Variants in MME observed in about 807,000 individuals in gnomAD.
MME encodes membrane metalloendopeptidase.
A neutral mutation model predicts 113.2 loss-of-function variants in MME; 98 were observed. The ratio of observed to expected loss-of-function variants is 0.87; its 90% confidence interval spans 0.74 to 1.02. The LOEUF (loss-of-function observed/expected upper bound fraction) is 1.02. Among genes scored for constraint, MME ranks in the 50% least tolerant of loss-of-function variants. The pLI is 0.00. For synonymous variants in MME, 292 were observed against 300.6 expected (o/e 0.97, Z 0.30); for missense variants, 836 against 896.0 (o/e 0.93, Z 0.86).
At chr3:155,144,516 C>T in intron 14 of MME, 59 bp downstream of exon 14, 1 of 1,098,068 alleles carries the variant, frequency 9.1e-7, no homozygotes, top group African/African-American at 1.6e-5. Context: ...GAAAAATTAA[C>T]TTTAAAAACA....
chr3:155,134,543 A>G (rs1363374678), intron 8 of MME, among the ~76,000 whole-genome samples: 1 of 152,116 alleles, frequency 6.6e-6, no homozygotes, highest in Non-Finnish European at 1.5e-5. Flanking sequence ...TCTACCATTG[A>G]TGATTCTCTA....
At chr3:155,043,249 AT>A (rs1713421560) in intron 1 of MME, among the ~76,000 whole-genome samples, 1 of 151,396 alleles carries the variant, frequency 6.6e-6, no homozygotes. Context: ...TTATTTTAAT[AT>A]TAGTATTAGA....
At chr3:155,061,215 G>A (rs1404665957) in intron 1 of MME, among the ~76,000 whole-genome samples, 2 of 152,170 alleles carry the variant, frequency 1.3e-5, no homozygotes, top group Non-Finnish European at 2.9e-5. Context: ...CACTTTGGGA[G>A]GCCGAGGTGG....
chr3:155,139,724 C>A (rs1014033831), intron 9 of MME, among the ~76,000 whole-genome samples: 3 of 152,084 alleles, frequency 2.0e-5, no homozygotes, highest in Non-Finnish European at 2.9e-5. Flanking sequence ...CTGTTACTTG[C>A]GATAAATTCT....
chr3:155,080,571 C>G (rs1715043203), intron 1 of MME, 105 bp downstream of exon 1: 1 of 152,102 alleles, frequency 6.6e-6, no homozygotes, highest in Non-Finnish European at 1.5e-5. Context: ...ACCTCTTCAT[C>G]TTGCTTTTAA....
At chr3:155,076,385 C>A (rs559325280), upstream of MME, among the ~76,000 whole-genome samples, 1 of 152,306 alleles carries the variant, frequency 6.6e-6, no homozygotes, top group Non-Finnish European at 1.5e-5. Context: ...AGTCCCTTGG[C>A]ACTTGCAAGT....
At chr3:155,092,188 T>G (rs1716351646) in intron 3 of MME, among the ~76,000 whole-genome samples, 2 of 152,228 alleles carry the variant, frequency 1.3e-5, no homozygotes, top group Non-Finnish European at 1.5e-5. Flanking sequence ...CAAATGCCAC[T>G]CTTTTCCATA....
chr3:155,116,381 C>G lies in MME; in HGVS notation c.359-98C>G, dbSNP rs528249649. ...AAGCAAGGTTTTTTTTTAACTGAAC[C>G]CACTTTGCAAATGTTAATTACTGCA... On this transcript the variant is annotated intron_variant, in intron 4 of 22. Transcript: ENST00000360490. The G allele has an allele frequency of 1.1e-4, 102 of 905,618 alleles. 1 individual carries two copies. Among genetic ancestry groups the G allele is most frequent in the South Asian group, 1.1e-3 (77 of 73,150 alleles). 56.1% of individuals were successfully genotyped at this position (905,618 alleles called of 1,614,324 possible).
chr3:155,145,170 C>A (rs896241094), intron 14 of MME, among the ~76,000 whole-genome samples: 2 of 152,186 alleles, frequency 1.3e-5, no homozygotes, highest in African/African-American at 2.4e-5. Context: ...GTATTGCTAT[C>A]TTTCCATCAC....
chr3:155,054,107 T>C, intron 1 of MME, among the ~76,000 whole-genome samples: 1 of 152,172 alleles, frequency 6.6e-6, no homozygotes, highest in Non-Finnish European at 1.5e-5. Flanking sequence ...GTTACCCAGT[T>C]TGTGGTAATT....
intron 20 of MME, among the ~76,000 whole-genome samples, chr3:155,169,564 G>C (rs756461015): frequency 6.6e-6 from 1 of 152,160 alleles, no homozygotes; most frequent in Non-Finnish European, 1.5e-5. Context: ...TTTCATAAAA[G>C]GGTGGAGGAA....
At chr3:155,134,199 A>G (rs936236085) in intron 8 of MME, among the ~76,000 whole-genome samples, 8 of 152,050 alleles carry the variant, frequency 5.3e-5, no homozygotes, top group Non-Finnish European at 1.2e-4. Flanking sequence ...GATATATTGC[A>G]TGGTACTGAG....
chr3:155,133,188 G>T (rs867810730), intron 8 of MME, among the ~76,000 whole-genome samples: 1 of 150,214 alleles, frequency 6.7e-6, no homozygotes, highest in Admixed American at 6.7e-5. Context: ...ATCACATCTC[G>T]TACAATGGAT....
chr3:155,092,210 G>C (rs759537278), intron 3 of MME, among the ~76,000 whole-genome samples: 6 of 152,116 alleles, frequency 3.9e-5, no homozygotes, highest in South Asian at 2.1e-4. Context: ...ACATCCTCAC[G>C]GATGCACCCA....
intron 1 of MME, among the ~76,000 whole-genome samples, chr3:155,056,016 C>T (rs1363670469): frequency 6.6e-6 from 1 of 152,056 alleles, no homozygotes; most frequent in Admixed American, 6.6e-5. Flanking sequence ...CATCACTCAC[C>T]AACTGCCACT....
intron 8 of MME, among the ~76,000 whole-genome samples, chr3:155,123,373 A>G (rs1321716441): frequency 1.7e-5 from 2 of 118,556 alleles, no homozygotes; most frequent in Admixed American, 1.9e-4. Context: ...TGTTTATCCA[A>G]TTTGCCAGTC....
intron 22 of MME, among the ~76,000 whole-genome samples, chr3:155,177,382 C>T (rs1712645530): frequency 6.6e-6 from 1 of 152,196 alleles, no homozygotes; most frequent in Admixed American, 6.5e-5. Flanking sequence ...AAGAAGGTTG[C>T]ATTAATGAAT....
chr3:155,137,467 G>A (rs1391772069), intron 8 of MME, among the ~76,000 whole-genome samples: 1 of 152,212 alleles, frequency 6.6e-6, no homozygotes, highest in African/African-American at 2.4e-5. Context: ...AGCACTTTGG[G>A]AGGCCAAGGC....
rs1426504467 is a variant in MME, at chr3:155,166,975, C to T, written c.1734C>T (p.Ile578=). Residue 578 remains isoleucine, a synonymous_variant, in exon 18 of 23, where the codon ATC becomes ATT. Coordinates refer to ENST00000360490, the MANE Select transcript of MME (RefSeq NM_007289.4). The part of the protein sequence containing the change: ...QQSNSLNYGG[I]GMVIGHEITH... ...CCAACTCATTGAACTATGGGGGCAT[C>T]GGCATGGTCATAGGACACGAAATCA... is the stretch of plus-strand genomic sequence containing the variant. 7.4e-6 allele frequency: 12 copies of T among 1,613,606 alleles called. No homozygotes were observed. The highest frequency in any genetic ancestry group is 2.2e-5 in the South Asian group (2 of 91,094).
Sources: gnomAD v4.1 joint callset for allele counts (sites outside exome capture counted in the v4.1 genomes callset) on GRCh38, gnomAD v4.1.1 for gene constraint, MANE v1.5 for transcripts, NCBI Gene and HGNC (gene_info 2026-07-23, HGNC 2026-07-21) for gene names.